SHISA9: variants seen among roughly 807,000 people sequenced by gnomAD.
SHISA9 encodes the protein shisa family member 9, also known as protein shisa-9.
A neutral mutation model predicts 38.0 loss-of-function variants in SHISA9; 13 were observed. The observed-to-expected ratio is 0.34, with a 90% CI of 0.22 to 0.54. The LOEUF (loss-of-function observed/expected upper bound fraction) is 0.54. Ranked by LOEUF, SHISA9 falls within the 20% of genes least tolerant of loss-of-function variation. The probability of loss-of-function intolerance (pLI) is 0.91; values close to 1 mark genes in which losing one functional copy is unlikely to be tolerated. For synonymous variants in SHISA9, 275 were observed against 242.0 expected (o/e 1.14, Z -1.27); for missense variants, 538 against 575.8 (o/e 0.93, Z 0.67).
chr16:13,164,676 C>T (rs143253965), intron 2 of SHISA9, among the ~76,000 whole-genome samples: 26 of 152,142 alleles, frequency 1.7e-4, no homozygotes, highest in Admixed American at 5.9e-4. Flanking sequence ...TCACACATTT[C>T]GATATGTTAC....
chr16:12,954,041 C>G (rs1483167711), intron 2 of SHISA9, among the ~76,000 whole-genome samples: 3 of 152,086 alleles, frequency 2.0e-5, no homozygotes, highest in Non-Finnish European at 4.4e-5. Context: ...TGGGTGGAGA[C>G]ACAGAGTCAA....
At chr16:13,123,125 A>T (rs2141979805) in intron 2 of SHISA9, among the ~76,000 whole-genome samples, 2 of 152,378 alleles carry the variant, frequency 1.3e-5, no homozygotes, top group South Asian at 4.1e-4. Context: ...AATAAACAGG[A>T]TAGAACTAGG....
the SHISA9 span, among the ~76,000 whole-genome samples, chr16:13,536,246 G>A: frequency 6.6e-6 from 1 of 152,076 alleles, no homozygotes; most frequent in African/African-American, 2.4e-5. Context: ...ATCCGTCCGT[G>A]TCGGACTCCC....
chr16:13,419,583 G>C, the SHISA9 span, among the ~76,000 whole-genome samples: 2 of 152,198 alleles, frequency 1.3e-5, no homozygotes, highest in Admixed American at 6.5e-5. Context: ...GGTTATAAGA[G>C]AGGATTAAAA....
chr16:13,015,866 C>CTT (rs1467312490), intron 2 of SHISA9, among the ~76,000 whole-genome samples: 3 of 83,188 alleles, frequency 3.6e-5, no homozygotes, highest in Non-Finnish European at 8.0e-5. Context: ...TTCTTTCTTT[C>CTT]TTTCTTTCTT....
At chr16:13,105,125 A>G (rs1195509451) in intron 2 of SHISA9, among the ~76,000 whole-genome samples, 2 of 152,230 alleles carry the variant, frequency 1.3e-5, no homozygotes, top group African/African-American at 4.8e-5. Context: ...TTGATATACT[A>G]TTATACGCTC....
chr16:13,304,758 A>G, the SHISA9 span, among the ~76,000 whole-genome samples: 1 of 152,218 alleles, frequency 6.6e-6, no homozygotes, highest in African/African-American at 2.4e-5. Context: ...TAGTGAGGTT[A>G]AGCAACACAC....
the SHISA9 span, among the ~76,000 whole-genome samples, chr16:13,436,252 G>T: frequency 2.0e-5 from 3 of 152,218 alleles, no homozygotes; most frequent in African/African-American, 4.8e-5. Flanking sequence ...GTGTCGTAAA[G>T]AAACCAGCCA....
At chr16:13,446,205 A>C in the SHISA9 span, among the ~76,000 whole-genome samples, 1 of 152,104 alleles carries the variant, frequency 6.6e-6, no homozygotes, top group African/African-American at 2.4e-5. Context: ...TCAGCCTCCC[A>C]AAGTGCTGGG....
At chr16:13,159,920 G>T (rs1204340798) in intron 2 of SHISA9, among the ~76,000 whole-genome samples, 1 of 152,220 alleles carries the variant, frequency 6.6e-6, no homozygotes, top group Non-Finnish European at 1.5e-5. Flanking sequence ...CTATGTGCCA[G>T]GCACTGGAAA....
At chr16:13,032,042 A>G (rs1303213002) in intron 2 of SHISA9, among the ~76,000 whole-genome samples, 4 of 151,848 alleles carry the variant, frequency 2.6e-5, no homozygotes, top group Admixed American at 2.6e-4. Flanking sequence ...GTTCTGGGAT[A>G]CATGTGCAGA....
At chr16:13,348,893 C>G in the SHISA9 span, among the ~76,000 whole-genome samples, 1 of 152,050 alleles carries the variant, frequency 6.6e-6, no homozygotes, top group Admixed American at 6.5e-5. Context: ...AGCTTGTTTT[C>G]TCTTTGCACT....
chr16:13,356,236 GTTTTA>G, the SHISA9 span, among the ~76,000 whole-genome samples: 1 of 152,182 alleles, frequency 6.6e-6, no homozygotes, highest in Non-Finnish European at 1.5e-5. Flanking sequence ...AATTTTTGGA[GTTTTA>G]TTTAATGTCG....
At chr16:13,108,880 C>T (rs947500071) in intron 2 of SHISA9, among the ~76,000 whole-genome samples, 1 of 152,128 alleles carries the variant, frequency 6.6e-6, no homozygotes, top group East Asian at 1.9e-4. Flanking sequence ...CTCAATGTTT[C>T]TCCTAAAGTG....
the SHISA9 span, among the ~76,000 whole-genome samples, chr16:13,377,775 C>A: frequency 2.0e-5 from 3 of 152,162 alleles, no homozygotes; most frequent in African/African-American, 7.2e-5. Flanking sequence ...TGCCTGTAAT[C>A]CCAGCATTTT....
At chr16:13,326,068 T>TA in the SHISA9 span, among the ~76,000 whole-genome samples, 9,682 of 112,282 alleles carry the variant, frequency 0.086, 356 homozygotes, top group African/African-American at 0.11. Context: ...AAAGTCAAAT[T>TA]AAAAAAAAAA....
chr16:13,361,936 TA>T, the SHISA9 span, among the ~76,000 whole-genome samples: 1 of 151,916 alleles, frequency 6.6e-6, no homozygotes, highest in African/African-American at 2.4e-5. Context: ...TAAAAAGAGG[TA>T]AAGAATTATG....
rs114338569 is a variant in SHISA9 at position 13,115,144 on chromosome 16, C to T, written c.692-88250C>T. ...TATACTTAGCCACTCAGTTTTCTTG[C>T]CTGATTCCTTAGCAGGGATGATATT... On this transcript the variant is annotated intron_variant, in intron 2 of 4. Transcript: ENST00000558583. 4.9e-3 allele frequency among the ~76,000 whole-genome samples: 740 copies of T among 152,208 alleles called. 5 individuals are homozygous for T. Among genetic ancestry groups the T allele is most frequent in the African/African-American group, 0.015 (632 of 41,502 alleles).
At chr16:13,055,289 C>T (rs2073297536) in intron 2 of SHISA9, among the ~76,000 whole-genome samples, 1 of 152,140 alleles carries the variant, frequency 6.6e-6, no homozygotes, top group Non-Finnish European at 1.5e-5. Flanking sequence ...AGAATTAGAA[C>T]TCAGACATCT....
Sources: allele counts gnomAD v4.1 joint callset (sites outside exome capture counted in the v4.1 genomes callset), GRCh38; gene constraint gnomAD v4.1.1; transcripts MANE v1.5; gene names NCBI Gene and HGNC (gene_info 2026-07-23, HGNC 2026-07-21).